RPP30: variants seen among roughly 807,000 people sequenced by gnomAD.
RPP30 encodes ribonuclease P/MRP subunit p30.
A neutral mutation model predicts 38.6 loss-of-function variants in RPP30; 36 were observed. The observed-to-expected ratio is 0.93, with a 90% confidence interval of 0.71 to 1.23. The LOEUF is 1.23. Among genes scored for constraint, RPP30 ranks in the 50% most tolerant of loss-of-function variants. The probability of loss-of-function intolerance (pLI) is 0.00; values close to 1 mark genes in which losing one functional copy is unlikely to be tolerated. For synonymous variants in RPP30, 126 were observed against 112.7 expected (o/e 1.12, Z -0.75); for missense variants, 321 against 321.7 (o/e 1.00, Z 0.02).
At chr10:90,892,296 C>G (rs1847090467) in intron 6 of RPP30, among the ~76,000 whole-genome samples, 1 of 152,142 alleles carries the variant, frequency 6.6e-6, no homozygotes, top group Admixed American at 6.5e-5. Flanking sequence ...GGTAATGAGT[C>G]TGTATTTTAT....
chr10:90,894,886 G>T lies in RPP30; in HGVS notation c.544G>T (p.Gly182Ter). The T allele has an allele frequency of 6.3e-7, 1 of 1,588,970 alleles. No homozygotes were observed. Among genetic ancestry groups the T allele is most frequent in the South Asian group, 1.1e-5 (1 of 90,568 alleles). Reference protein sequence around the residue: ...SALNLMQICKGKNVIISSAAE... With the variant: ...SALNLMQICK ...CCTCAATTTGATGCAAATCTGCAAA[G>T]GAAAGGTATGGTTCTATAATTTTAG... The change falls in exon 7 of 11, where the codon GGA (glycine) becomes TGA (stop). Residue 182 changes from glycine (G) to a stop codon, truncating the protein, a stop_gained. Coordinates refer to ENST00000371703, the MANE Select transcript of RPP30 (RefSeq NM_006413.5). LOFTEE classifies it high-confidence loss of function.
chr10:90,895,859 T>C, intron 8 of RPP30, 21 bp from the exon 9 acceptor site: 1 of 1,564,734 alleles, frequency 6.4e-7, no homozygotes, highest in East Asian at 2.3e-5. Context: ...TCATATCTAC[T>C]CTTTGTTCAT....
intron 4 of RPP30, 99 bp downstream of exon 4, chr10:90,876,197 CT>C: frequency 4.1e-6 from 3 of 733,044 alleles, no homozygotes; most frequent in East Asian, 5.4e-5. Flanking sequence ...TACATTTTCC[CT>C]CGCCCCCGCC....
At chr10:90,896,852 T>C (rs1255829686) in intron 10 of RPP30, among the ~76,000 whole-genome samples, 1 of 152,166 alleles carries the variant, frequency 6.6e-6, no homozygotes, top group Non-Finnish European at 1.5e-5. Flanking sequence ...TTATTATAAC[T>C]CAGAATGTTT....
chr10:90,876,548 G>A (rs1443814630), intron 4 of RPP30, among the ~76,000 whole-genome samples: 1 of 152,172 alleles, frequency 6.6e-6, no homozygotes, highest in Non-Finnish European at 1.5e-5. Flanking sequence ...TATTCAAGCT[G>A]GGAGACAGAA....
chr10:90,893,933 G>A (rs1255737868), intron 6 of RPP30, among the ~76,000 whole-genome samples: 1 of 152,182 alleles, frequency 6.6e-6, no homozygotes, highest in African/African-American at 2.4e-5. Flanking sequence ...GAACAGTATG[G>A]TGGTTAATTT....
At chr10:90,875,254 T>C (rs970758669) in intron 2 of RPP30, among the ~76,000 whole-genome samples, 24 of 152,190 alleles carry the variant, frequency 1.6e-4, no homozygotes, top group African/African-American at 5.5e-4. Context: ...TATTAACTAC[T>C]TTCTCTCTTA....
downstream of RPP30, chr10:90,903,084 A>T: frequency 1.4e-6 from 1 of 699,348 alleles, no homozygotes; most frequent in Non-Finnish European, 2.6e-6. Flanking sequence ...CATTACAAAG[A>T]ACTGCTGTCA....
chr10:90,883,792 A>C (rs1275111030), intron 5 of RPP30, among the ~76,000 whole-genome samples: 1 of 152,216 alleles, frequency 6.6e-6, no homozygotes, highest in Non-Finnish European at 1.5e-5. Context: ...AATAATTTAC[A>C]TTCACAATGA....
downstream of RPP30, chr10:90,902,313 G>A: frequency 2.5e-6 from 1 of 397,204 alleles, no homozygotes; most frequent in South Asian, 1.9e-5. Context: ...TGCCTCTTGG[G>A]CTCAAGCCAT....
At chr10:90,879,744 C>T (rs1363591098) in intron 5 of RPP30, among the ~76,000 whole-genome samples, 1 of 152,176 alleles carries the variant, frequency 6.6e-6, no homozygotes, top group Non-Finnish European at 1.5e-5. Context: ...GGGAAAGGAG[C>T]TTAACGTGTA....
downstream of RPP30, chr10:90,906,027 A>G (rs1589505095): frequency 6.6e-6 from 1 of 152,238 alleles, no homozygotes; most frequent in Admixed American, 6.5e-5. Flanking sequence ...CAATACCCAT[A>G]ATGTGCACAG....
At chr10:90,890,965 T>A (rs993816163) in intron 6 of RPP30, among the ~76,000 whole-genome samples, 5 of 152,198 alleles carry the variant, frequency 3.3e-5, no homozygotes, top group African/African-American at 1.2e-4. Flanking sequence ...ATCACCTGTG[T>A]GATTAGAGAT....
chr10:90,887,290 G>T (rs1270157293), intron 6 of RPP30, among the ~76,000 whole-genome samples: 1 of 151,872 alleles, frequency 6.6e-6, no homozygotes, highest in African/African-American at 2.4e-5. Flanking sequence ...AAAAGTTTAA[G>T]TTAGCTTATG....
chr10:90,902,097 C>T lies in RPP30; in HGVS notation c.*1418C>T, dbSNP rs954503884. ...CAGGCGTTAGCCACTGCGCCCGGCC[C>T]GAGAAAATACAGTTTTAAAAAGAGA... On this transcript the variant is annotated 3_prime_UTR_variant, in exon 11 of 11. Coordinates refer to ENST00000371703, the MANE Select transcript of RPP30 (RefSeq NM_006413.5). 7.8e-5 allele frequency: 77 copies of T among 989,164 alleles called. No homozygotes were observed. The highest frequency in any genetic ancestry group is 6.1e-4 in the African/African-American group (35 of 56,924). The allele number at this position is 989,164 out of a possible 1,614,324, so 61.3% of individuals were successfully genotyped here.
chr10:90,904,631 G>A (rs1234513977), downstream of RPP30, among the ~76,000 whole-genome samples: 1 of 152,108 alleles, frequency 6.6e-6, no homozygotes, highest in Non-Finnish European at 1.5e-5. Context: ...TGGCCAACAT[G>A]GCAAAACCCC....
At chr10:90,877,186 C>T (rs148663991) in intron 4 of RPP30, among the ~76,000 whole-genome samples, 101 of 152,166 alleles carry the variant, frequency 6.6e-4, no homozygotes, top group African/African-American at 2.3e-3. Flanking sequence ...CTGGCGGGTA[C>T]CTGTAATCCC....
intron 10 of RPP30, among the ~76,000 whole-genome samples, chr10:90,897,112 CT>C (rs1847148898): frequency 6.6e-6 from 1 of 152,122 alleles, no homozygotes; most frequent in Non-Finnish European, 1.5e-5. Flanking sequence ...ACTGAGTTTC[CT>C]GCTCATCAGA....
intron 2 of RPP30, 98 bp from the exon 3 acceptor site, chr10:90,875,460 A>T: frequency 2.2e-6 from 2 of 928,696 alleles, no homozygotes; most frequent in South Asian, 3.4e-5. Context: ...TTTTTAAAAA[A>T]AATGCATATT....
Sources: allele counts gnomAD v4.1 joint callset (sites outside exome capture counted in the v4.1 genomes callset), GRCh38; gene constraint gnomAD v4.1.1; transcripts MANE v1.5; gene names NCBI Gene and HGNC (gene_info 2026-07-23, HGNC 2026-07-21).